Variants in TBC1D5 observed in about 807,000 individuals in gnomAD.
TBC1D5 encodes TBC1 domain family member 5.
Under a neutral mutation model 100.3 loss-of-function variants are expected in TBC1D5, and 75 were observed. The observed-to-expected ratio is 0.75, with a 90% CI of 0.62 to 0.91. The LOEUF (loss-of-function observed/expected upper bound fraction) is 0.91, where lower values mean the gene tolerates loss of function less well. TBC1D5 is among the 40% of genes least tolerant of loss of function. TBC1D5 has a pLI of 0.00. For synonymous variants in TBC1D5, 323 were observed against 325.6 expected (o/e 0.99, Z 0.09); for missense variants, 910 against 942.4 (o/e 0.97, Z 0.45).
intron 1 of TBC1D5, among the ~76,000 whole-genome samples, chr3:17,713,208 T>C (rs2074913373): frequency 6.6e-6 from 1 of 151,840 alleles, no homozygotes; most frequent in Non-Finnish European, 1.5e-5. Flanking sequence ...CTGGGTATCA[T>C]CAAAATTTTA....
chr3:17,601,946 C>T (rs1446376889), intron 2 of TBC1D5, among the ~76,000 whole-genome samples: 1 of 152,132 alleles, frequency 6.6e-6, no homozygotes, highest in East Asian at 1.9e-4. Flanking sequence ...TCTCCTGTCT[C>T]AGCCTCCTGA....
intron 2 of TBC1D5, among the ~76,000 whole-genome samples, chr3:17,556,236 G>T (rs757689617): frequency 3.3e-5 from 5 of 151,996 alleles, no homozygotes; most frequent in African/African-American, 1.2e-4. Context: ...CAAGCTGGTC[G>T]TGAACTCTTG....
chr3:17,730,439 C>T (rs183809294), intron 1 of TBC1D5, among the ~76,000 whole-genome samples: 8 of 152,284 alleles, frequency 5.3e-5, no homozygotes, highest in African/African-American at 1.9e-4. Flanking sequence ...TAGAGCACTC[C>T]TTCTTAGAAA....
intron 2 of TBC1D5, among the ~76,000 whole-genome samples, chr3:17,526,697 T>A (rs1560087542): frequency 2.0e-5 from 3 of 152,204 alleles, no homozygotes; most frequent in Non-Finnish European, 4.4e-5. Flanking sequence ...ATATACATAG[T>A]AAGCATTCAA....
chr3:17,637,453 G>C (rs2064069075), intron 1 of TBC1D5, among the ~76,000 whole-genome samples: 1 of 151,400 alleles, frequency 6.6e-6, no homozygotes, highest in Non-Finnish European at 1.5e-5. Flanking sequence ...TAAAACTTTT[G>C]TGCAATGGGA....
intron 1 of TBC1D5, among the ~76,000 whole-genome samples, chr3:17,632,576 C>A (rs537687840): frequency 6.6e-6 from 1 of 152,146 alleles, no homozygotes; most frequent in African/African-American, 2.4e-5. Flanking sequence ...TCAACTGATA[C>A]GGCAAATTGC....
chr3:17,648,571 A>G (rs2065227645), intron 1 of TBC1D5, among the ~76,000 whole-genome samples: 1 of 152,290 alleles, frequency 6.6e-6, no homozygotes, highest in South Asian at 2.1e-4. Flanking sequence ...ATTTTTGCAA[A>G]CTATGCATCT....
intron 1 of TBC1D5, among the ~76,000 whole-genome samples, chr3:17,717,808 C>A (rs1455302007): frequency 6.6e-6 from 1 of 152,160 alleles, no homozygotes; most frequent in African/African-American, 2.4e-5. Context: ...CAAACCCATA[C>A]ACATACACAT....
chr3:17,455,532 G>A (rs1187929919), intron 3 of TBC1D5, among the ~76,000 whole-genome samples: 41 of 136,966 alleles, frequency 3.0e-4, no homozygotes, highest in South Asian at 4.4e-4. Context: ...ATATATATAT[G>A]TGTGTGTGTG....
chr3:17,306,753 T>C (rs1337017778), intron 14 of TBC1D5, among the ~76,000 whole-genome samples: 1 of 152,146 alleles, frequency 6.6e-6, no homozygotes, highest in African/African-American at 2.4e-5. Flanking sequence ...GCATTCTTTT[T>C]TCTAGAAGAG....
intron 2 of TBC1D5, among the ~76,000 whole-genome samples, chr3:17,570,582 T>C (rs1262730028): frequency 6.6e-6 from 1 of 152,100 alleles, no homozygotes; most frequent in East Asian, 1.9e-4. Context: ...GTATGTATTG[T>C]ATCACTTACC....
At chr3:17,205,790 T>A (rs185371739) in intron 18 of TBC1D5, among the ~76,000 whole-genome samples, 10 of 152,276 alleles carry the variant, frequency 6.6e-5, no homozygotes, top group African/African-American at 2.4e-4. Context: ...GTGTGTGATA[T>A]AATTGGCTGT....
chr3:17,494,178 T>C (rs1158392322), intron 3 of TBC1D5, among the ~76,000 whole-genome samples: 2 of 152,150 alleles, frequency 1.3e-5, no homozygotes, highest in Non-Finnish European at 2.9e-5. Context: ...CTGCTGTGGT[T>C]TGCTTGGGGT....
intron 13 of TBC1D5, among the ~76,000 whole-genome samples, chr3:17,341,308 G>A (rs1016024945): frequency 1.3e-5 from 2 of 151,726 alleles, no homozygotes; most frequent in Non-Finnish European, 2.9e-5. Context: ...GCCATTCTCC[G>A]GCCTCAGCCT....
At chr3:17,295,456 T>A (rs1307740932) in intron 14 of TBC1D5, among the ~76,000 whole-genome samples, 2 of 152,246 alleles carry the variant, frequency 1.3e-5, no homozygotes, top group African/African-American at 2.4e-5. Context: ...GACTTCTCTG[T>A]CTGAACCTTT....
intron 2 of TBC1D5, among the ~76,000 whole-genome samples, chr3:17,556,920 G>A (rs2096525891): frequency 6.6e-6 from 1 of 152,110 alleles, no homozygotes. Context: ...ACCCATTTAA[G>A]ACACTGGCAA....
chr3:17,475,485 G>A (rs1242630424), intron 3 of TBC1D5, among the ~76,000 whole-genome samples: 2 of 151,796 alleles, frequency 1.3e-5, no homozygotes, highest in East Asian at 3.8e-4. Flanking sequence ...CTAGTCAGTT[G>A]CCCAATGCCA....
intron 1 of TBC1D5, chr3:17,705,917 C>G: frequency 1.0e-6 from 1 of 971,136 alleles, no homozygotes; most frequent in Non-Finnish European, 1.5e-6. Flanking sequence ...TGCCCTCGGG[C>G]CCGCGGGGCC....
chr3:17,493,515 A>G (rs1020250059), intron 3 of TBC1D5, among the ~76,000 whole-genome samples: 2 of 152,088 alleles, frequency 1.3e-5, no homozygotes, highest in Admixed American at 1.3e-4. Context: ...ATCCTGAAGT[A>G]TGTTTTCCAA....
Sources: gnomAD v4.1 joint callset for allele counts (sites outside exome capture counted in the v4.1 genomes callset) on GRCh38, gnomAD v4.1.1 for gene constraint, MANE v1.5 for transcripts, NCBI Gene and HGNC (gene_info 2026-07-23, HGNC 2026-07-21) for gene names.